Variants in TAFA5 observed in about 807,000 individuals in gnomAD.
The protein encoded by TAFA5 is chemokine-like protein TAFA-5.
Under a neutral mutation model 15.3 loss-of-function variants are expected in TAFA5, and 6 were observed. That is an observed-to-expected ratio of 0.39 (90% CI 0.21 to 0.77). TAFA5 has a LOEUF of 0.77. Ranked by LOEUF, TAFA5 falls within the 30% of genes least tolerant of loss-of-function variation. TAFA5 has a pLI of 0.41. For missense variants in TAFA5, 161 were observed against 193.1 expected, an observed-to-expected ratio of 0.83 and a Z score of 0.98; for synonymous variants, 103 against 80.7, an observed-to-expected ratio of 1.28 and a Z score of -1.48.
At chr22:48,705,249 G>T (rs1474786028) in intron 2 of TAFA5, among the ~76,000 whole-genome samples, 1 of 152,090 alleles carries the variant, frequency 6.6e-6, no homozygotes, top group South Asian at 2.1e-4. Context: ...CCGGGGGTGG[G>T]GTGGGGCAGG....
Position 48,489,604 on chromosome 22 carries a change from G to C in TAFA5, c.12G>C (p.Ser4=). The C allele has an allele frequency of 6.7e-7, 1 of 1,490,106 alleles. No individual in the cohort carries two copies. The highest frequency in any genetic ancestry group is 9.0e-7 in the Non-Finnish European group (1 of 1,116,478). The allele number at this position is 1,490,106 out of a possible 1,614,324, so 92.3% of individuals were successfully genotyped here. A position where few individuals can be genotyped will look rare whatever the true frequency, so the allele number is the denominator to read the frequency against. MAP[S]PRTGSRQDAT... ...GCGCCGCGGCTTCAATGGCGCCATC[G>C]CCCAGGACCGGCAGCCGGCAAGATG... The change falls in exon 1 of 4, where the codon TCG becomes TCC. Residue 4 remains serine, a synonymous_variant. Transcript: ENST00000402357. This position sits in a 1 kb window ranked among gnomAD's most constrained non-coding sequence, Gnocchi z 5.5.
intron 1 of TAFA5, among the ~76,000 whole-genome samples, chr22:48,521,787 A>G (rs1436596398): frequency 6.6e-6 from 1 of 152,166 alleles, no homozygotes; most frequent in Admixed American, 6.5e-5. Flanking sequence ...CATCGTGCTC[A>G]TCTGTGGGTG....
At chr22:48,652,426 A>G (rs935752057) in intron 2 of TAFA5, among the ~76,000 whole-genome samples, 2 of 152,174 alleles carry the variant, frequency 1.3e-5, no homozygotes, top group Non-Finnish European at 2.9e-5. Flanking sequence ...GCTTCCCTAC[A>G]GTTGTTCATA....
chr22:48,492,103 A>C (rs1035546017), intron 1 of TAFA5, among the ~76,000 whole-genome samples: 4 of 151,774 alleles, frequency 2.6e-5, no homozygotes, highest in Non-Finnish European at 5.9e-5. Context: ...TATAGCTTGG[A>C]ACTGCAGTCC....
chr22:48,662,350 T>C (rs9617489), intron 2 of TAFA5, among the ~76,000 whole-genome samples: 43,348 of 151,774 alleles, frequency 0.29, 6,688 homozygotes, highest in African/African-American at 0.41. Context: ...AGGTGACGGA[T>C]CACTCTGATG....
At chr22:48,513,196 AG>A (rs985322194) in intron 1 of TAFA5, among the ~76,000 whole-genome samples, 20 of 152,212 alleles carry the variant, frequency 1.3e-4, no homozygotes, top group African/African-American at 4.6e-4. Flanking sequence ...CACCGTCTAC[AG>A]GAAGTCCTCA....
chr22:48,575,235 C>G (rs1395477177), intron 1 of TAFA5, among the ~76,000 whole-genome samples: 1 of 152,106 alleles, frequency 6.6e-6, no homozygotes, highest in Non-Finnish European at 1.5e-5. Flanking sequence ...CAGTGAGGCC[C>G]CTGCGCACCT....
At chr22:48,538,488 G>A (rs1922248249) in intron 1 of TAFA5, among the ~76,000 whole-genome samples, 1 of 152,236 alleles carries the variant, frequency 6.6e-6, no homozygotes, top group African/African-American at 2.4e-5. Flanking sequence ...AGGGCAGAAT[G>A]AGGACCAGGT....
intron 1 of TAFA5, among the ~76,000 whole-genome samples, chr22:48,525,540 C>T (rs767025412): frequency 1.3e-5 from 2 of 152,214 alleles, no homozygotes; most frequent in Non-Finnish European, 2.9e-5. Context: ...GGTGGAGGCC[C>T]TTCCCACTCG....
intron 1 of TAFA5, among the ~76,000 whole-genome samples, chr22:48,638,763 A>ACCC (rs369094413): frequency 1.4e-4 from 6 of 42,080 alleles, no homozygotes; most frequent in African/African-American, 8.4e-4. Context: ...CACAGGCGGG[A>ACCC]CCCCCCCCAT....
intron 1 of TAFA5, among the ~76,000 whole-genome samples, chr22:48,542,232 GT>G (rs1922419520): frequency 7.2e-6 from 1 of 139,702 alleles, no homozygotes; most frequent in African/African-American, 2.9e-5. Context: ...TGTGTGTGCT[GT>G]GTGTGTGTGC....
Position 48,707,843 on chromosome 22 carries a change from C to T in TAFA5, c.389C>T (p.Thr130Met), listed in dbSNP as rs776805180. 21 of 1,612,734 alleles carry T rather than the reference C, an allele frequency of 1.3e-5. No homozygotes were observed. Among genetic ancestry groups the T allele is most frequent in the South Asian group, 9.9e-5 (9 of 90,966 alleles). The change falls in exon 3 of 4, where the codon ACG (threonine) becomes ATG (methionine). Residue 130 changes from threonine (T) to methionine (M), a missense_variant and splice_region_variant. Transcript: ENST00000402357. The part of the protein sequence containing the change: ...TQPGGRIKTT[T>M]VS Reference sequence around the variant, plus strand: ...CCCGGCGGGAGGATAAAGACCACCACGGTATGTGGCCCTCGGCTTTCTCGT... The same window carrying T: ...CCCGGCGGGAGGATAAAGACCACCATGGTATGTGGCCCTCGGCTTTCTCGT...
intron 1 of TAFA5, among the ~76,000 whole-genome samples, chr22:48,601,787 C>T (rs946536696): frequency 1.4e-4 from 21 of 152,330 alleles, no homozygotes; most frequent in African/African-American, 4.1e-4. Flanking sequence ...ACACACCCCA[C>T]GCCATCTGTG....
intron 3 of TAFA5, among the ~76,000 whole-genome samples, chr22:48,745,730 T>G (rs1275538755): frequency 6.6e-6 from 1 of 152,140 alleles, no homozygotes; most frequent in East Asian, 1.9e-4. Context: ...GTGGTCCACG[T>G]GGGTACTTGG....
intron 1 of TAFA5, among the ~76,000 whole-genome samples, chr22:48,602,753 T>C (rs917481667): frequency 3.3e-5 from 5 of 151,996 alleles, no homozygotes; most frequent in African/African-American, 1.2e-4. Context: ...GACCTGCTGG[T>C]GTCCAGTGAA....
At chr22:48,520,224 G>C (rs1921556367) in intron 1 of TAFA5, among the ~76,000 whole-genome samples, 1 of 152,262 alleles carries the variant, frequency 6.6e-6, no homozygotes, top group South Asian at 2.1e-4. Flanking sequence ...GCCCAGAACT[G>C]TGTGAAGATA....
At chr22:48,588,772 C>T (rs1312485162) in intron 1 of TAFA5, among the ~76,000 whole-genome samples, 9 of 152,152 alleles carry the variant, frequency 5.9e-5, no homozygotes, top group Non-Finnish European at 1.5e-5. Context: ...TTCGGGGATG[C>T]TCCTGGCAGA....
chr22:48,637,229 G>C (rs920422714), intron 1 of TAFA5, among the ~76,000 whole-genome samples: 3 of 152,188 alleles, frequency 2.0e-5, no homozygotes, highest in Non-Finnish European at 4.4e-5. Flanking sequence ...TGTGTGTAAG[G>C]ATCTGTGTGC....
chr22:48,688,594 C>A lies in TAFA5; in HGVS notation c.263-19123C>A, dbSNP rs568473990. ...GGCTGCTCGGGGGACGGTGGCTTTC[C>A]CTGGCCGGCTCCTCCCTGGGTTCAT... On this transcript the variant is annotated intron_variant, in intron 2 of 3. Coordinates refer to ENST00000402357, the MANE Select transcript of TAFA5 (RefSeq NM_001082967.3). Among the ~76,000 whole-genome samples the A allele has an allele frequency of 2.2e-3, 336 of 152,248 alleles. 2 individuals carry two copies. Among genetic ancestry groups the A allele is most frequent in the Admixed American group, 4.0e-3 (61 of 15,282 alleles).
Sources: allele counts gnomAD v4.1 joint callset (sites outside exome capture counted in the v4.1 genomes callset), GRCh38; gene constraint gnomAD v4.1.1; non-coding constraint Gnocchi (gnomAD v3.1); transcripts MANE v1.5; gene names NCBI Gene and HGNC (gene_info 2026-07-23, HGNC 2026-07-21).